Variants in DEAF1 observed in about 807,000 individuals in gnomAD.
DEAF1 encodes the protein DEAF1 transcription factor.
DEAF1 carries 53 observed loss-of-function variants against 58.9 expected under a neutral mutation model. The observed-to-expected ratio is 0.90, with a 90% confidence interval of 0.72 to 1.13. The LOEUF is 1.13. Among genes scored for constraint, DEAF1 ranks in the 50% most tolerant of loss-of-function variants. The probability of loss-of-function intolerance (pLI) is 0.00; values close to 1 mark genes in which losing one functional copy is unlikely to be tolerated. For missense variants in DEAF1, 685 were observed against 791.4 expected (o/e 0.87, Z 1.61); for synonymous variants, 385 against 340.4 (o/e 1.13, Z -1.44).
chr11:646,647 C>T (rs1177529058), intron 11 of DEAF1: 1 of 152,128 alleles, frequency 6.6e-6, no homozygotes, highest in Non-Finnish European at 1.5e-5. Context: ...AGGCAAAGGC[C>T]CAGGGTTGAC....
chr11:647,243 C>CA (rs1487720469), intron 11 of DEAF1, among the ~76,000 whole-genome samples: 1 of 152,098 alleles, frequency 6.6e-6, no homozygotes, highest in Non-Finnish European at 1.5e-5. Flanking sequence ...ATCATGAGGT[C>CA]AGGAGTTCAA....
At chr11:645,698 T>C (rs1410378873) in intron 11 of DEAF1, among the ~76,000 whole-genome samples, 1 of 152,098 alleles carries the variant, frequency 6.6e-6, no homozygotes, top group East Asian at 1.9e-4. Context: ...TGGGGGATGG[T>C]GCCTGGGAGA....
chr11:692,853 C>CAAA (rs397953739), intron 1 of DEAF1, among the ~76,000 whole-genome samples: 1 of 140,850 alleles, frequency 7.1e-6, no homozygotes, highest in Non-Finnish European at 1.5e-5. Context: ...AACTCCGTCT[C>CAAA]AAAAAAAAAA....
chr11:680,973 C>G lies in DEAF1; in HGVS notation c.987G>C (p.Ala329=), dbSNP rs763472641. The change falls in exon 7 of 12, where the codon GCG becomes GCC. Residue 329 remains alanine, a synonymous_variant. Transcript: ENST00000382409. ...TTTTCTCAAACTCACAGGTGGTAGC[C>G]GCGGTGGCTGGAAGCAATGTGATGT... ...PKNITLLPAT[A]ATTFTVTPSG... is the part of the protein sequence containing the mutation. 1 of 1,614,102 alleles carries G rather than the reference C, an allele frequency of 6.2e-7. No individual in the cohort carries two copies. Among genetic ancestry groups the G allele is most frequent in the Non-Finnish European group, 8.5e-7 (1 of 1,180,034 alleles).
chr11:664,149 GT>G lies in DEAF1; in HGVS notation c.1504-10099del, dbSNP rs559013999. Among the ~76,000 whole-genome samples the G allele has an allele frequency of 1.1e-3, 168 of 152,066 alleles. 1 individual carries two copies. Among genetic ancestry groups the G allele is most frequent in the Non-Finnish European group, 2.5e-4 (17 of 67,996 alleles). ...AATCCCTTGAACCCAGGAGGCAGAGGTTGCGGTGAGCCGAGATCACGCCATT... is the reference window on the plus strand; with the variant it reads ...AATCCCTTGAACCCAGGAGGCAGAGGTGCGGTGAGCCGAGATCACGCCATT... On this transcript the variant is annotated intron_variant, in intron 10 of 11. Coordinates refer to ENST00000382409, the MANE Select transcript of DEAF1 (RefSeq NM_021008.4).
Position 694,779 on chromosome 11 carries a change from G to A in DEAF1, c.269C>T (p.Ala90Val). The A allele has an allele frequency of 3.7e-6, 5 of 1,333,600 alleles. No individual in the cohort carries two copies. Among genetic ancestry groups the A allele is most frequent in the East Asian group, 6.3e-5 (2 of 31,686 alleles). 82.6% of individuals were successfully genotyped at this position (1,333,600 alleles called of 1,614,324 possible). A position where few individuals can be genotyped will look rare whatever the true frequency, so the allele number is the denominator to read the frequency against. Residue 90 changes from alanine to valine, a missense_variant, in exon 1 of 12, where the codon GCC becomes GTC. This residue lies in a region of DEAF1 where 210 missense variants were observed against 177.3 expected (regional missense o/e 1.18). Coordinates refer to ENST00000382409, the MANE Select transcript of DEAF1 (RefSeq NM_021008.4). ...CTTGCCTGCGAAGGCTGCGGCAGCGGCGGCCTCGTCGGGGCCGGGCAGGGC... is the reference window on the plus strand; with the variant it reads ...CTTGCCTGCGAAGGCTGCGGCAGCGACGGCCTCGTCGGGGCCGGGCAGGGC... ...AEALPGPDEA[A>V]AAAAFAEVTT...
chr11:703,190 C>G (rs1192351541), intron 1 of DEAF1: 51 of 1,564,444 alleles, frequency 3.3e-5, no homozygotes, highest in Non-Finnish European at 4.4e-5. Context: ...GGCCCTCCTC[C>G]TGGGCCTGAC....
chr11:651,863 G>C (rs1694220442), intron 11 of DEAF1, among the ~76,000 whole-genome samples: 1 of 152,208 alleles, frequency 6.6e-6, no homozygotes, highest in Admixed American at 6.5e-5. Context: ...TCCAGCCTGG[G>C]CGACAGAGCG....
At chr11:662,651 G>GT (rs1284738927) in intron 10 of DEAF1, among the ~76,000 whole-genome samples, 2 of 152,162 alleles carry the variant, frequency 1.3e-5, no homozygotes, top group Admixed American at 1.3e-4. Context: ...CCGAGCCCTC[G>GT]TAAGATACCT....
At chr11:698,830 T>C, upstream of DEAF1, 1 of 1,613,794 alleles carries the variant, frequency 6.2e-7, no homozygotes, top group Non-Finnish European at 8.5e-7. Flanking sequence ...AGCATCCTGG[T>C]GGCTGTCAGG....
In DEAF1 at chr11:644,355, G is replaced by C. The variant is rs1330743724; in HGVS notation, c.*195C>G. 4.7e-6 allele frequency: 3 copies of C among 632,758 alleles called. No homozygotes were observed. The highest frequency in any genetic ancestry group is 8.5e-6 in the Non-Finnish European group (3 of 351,380). The allele number at this position is 632,758 out of a possible 1,614,324, so 39.2% of individuals were successfully genotyped here. A position where few individuals can be genotyped will look rare whatever the true frequency, so the allele number is the denominator to read the frequency against. On this transcript the variant is annotated 3_prime_UTR_variant, in exon 12 of 12. Coordinates refer to ENST00000382409, the MANE Select transcript of DEAF1 (RefSeq NM_021008.4). The surrounding 1 kb of genome is among the most constrained non-coding windows in gnomAD (Gnocchi z 4.3). ...AAAAAATCTGTCCGCGAGCGGGCAG[G>C]GGGCCCGGGCAGGGGGAGTGCGCTT... is the stretch of plus-strand genomic sequence containing the variant.
intron 5 of DEAF1, among the ~76,000 whole-genome samples, chr11:686,251 C>A (rs1393836170): frequency 6.8e-6 from 1 of 146,154 alleles, no homozygotes; most frequent in African/African-American, 2.5e-5. Context: ...AAGATCAAGC[C>A]ACTGCACTCC....
intron 10 of DEAF1, among the ~76,000 whole-genome samples, chr11:668,510 C>T (rs1312118429): frequency 1.3e-5 from 2 of 152,002 alleles, no homozygotes; most frequent in African/African-American, 4.8e-5. Context: ...CCCCTGGGCT[C>T]CAGTGATCCG....
At chr11:695,510 A>C (rs888224186), upstream of DEAF1, 6 of 962,996 alleles carry the variant, frequency 6.2e-6, no homozygotes, top group Admixed American at 4.3e-5. Flanking sequence ...TGCCTCTCAG[A>C]GAGAGCTTAG....
chr11:662,986 A>G (rs951847278), intron 10 of DEAF1, among the ~76,000 whole-genome samples: 5 of 152,170 alleles, frequency 3.3e-5, no homozygotes, highest in African/African-American at 7.2e-5. Context: ...CGCTGTCCTG[A>G]TGCTCTGAAA....
At chr11:662,285 A>T (rs1361679297) in intron 10 of DEAF1, among the ~76,000 whole-genome samples, 1 of 152,184 alleles carries the variant, frequency 6.6e-6, no homozygotes, top group Non-Finnish European at 1.5e-5. Flanking sequence ...TCCGTCTCAT[A>T]AAACAAAAAA....
intron 5 of DEAF1, among the ~76,000 whole-genome samples, chr11:685,167 C>T (rs1049193500): frequency 1.4e-5 from 2 of 144,166 alleles, no homozygotes; most frequent in Admixed American, 7.3e-5. Flanking sequence ...TCAGTGCAAC[C>T]TCTGCCTCCC....
At chr11:653,375 T>G (rs530057737) in intron 11 of DEAF1, among the ~76,000 whole-genome samples, 18 of 147,448 alleles carry the variant, frequency 1.2e-4, no homozygotes, top group African/African-American at 3.1e-4. Context: ...ACGCTCTCTC[T>G]CGCGTGGCTC....
At chr11:676,551 C>T (rs1860088898) in intron 9 of DEAF1, among the ~76,000 whole-genome samples, 2 of 151,834 alleles carry the variant, frequency 1.3e-5, no homozygotes, top group South Asian at 2.1e-4. Context: ...CTCGCTGTGT[C>T]GCCCAGGCTG....
Sources: gnomAD v4.1 joint callset for allele counts (sites outside exome capture counted in the v4.1 genomes callset) on GRCh38, gnomAD v4.1.1 for gene constraint, gnomAD v4.1.1 regional missense constraint, Gnocchi (gnomAD v3.1) non-coding constraint, MANE v1.5 for transcripts, NCBI Gene and HGNC (gene_info 2026-07-23, HGNC 2026-07-21) for gene names.